CEP112: variants seen among roughly 807,000 people sequenced by gnomAD.
CEP112 encodes centrosomal protein 112, also known as centrosomal protein of 112 kDa.
In CEP112, 127 loss-of-function variants were observed where a neutral mutation model predicts 153.0. The observed-to-expected ratio is 0.83, with a 90% CI of 0.72 to 0.96. CEP112 has a LOEUF of 0.96. CEP112 is among the 40% of genes least tolerant of loss of function. The pLI, the probability that CEP112 is intolerant of heterozygous loss-of-function variation, is 0.00. For missense variants in CEP112, 1,089 were observed against 1,101.2 expected, an observed-to-expected ratio of 0.99 and a Z score of 0.16; for synonymous variants, 358 against 374.4, an observed-to-expected ratio of 0.96 and a Z score of 0.51.
At chr17:66,128,541 A>G (rs978780340) in intron 6 of CEP112, among the ~76,000 whole-genome samples, 1 of 152,146 alleles carries the variant, frequency 6.6e-6, no homozygotes, top group Admixed American at 6.5e-5. Flanking sequence ...CAACTGATAT[A>G]CTGCTGGTTG....
At chr17:65,851,708 G>A in intron 21 of CEP112, 96 bp downstream of exon 21, 1 of 853,832 alleles carries the variant, frequency 1.2e-6, no homozygotes, top group African/African-American at 1.7e-5. Flanking sequence ...GTAATGCCAT[G>A]TCTACTACCT....
chr17:65,792,309 CTT>C (rs1163147293), intron 21 of CEP112, among the ~76,000 whole-genome samples: 1 of 152,300 alleles, frequency 6.6e-6, no homozygotes, highest in Admixed American at 6.5e-5. Flanking sequence ...AATGGGGACT[CTT>C]TAGTATCAGT....
At chr17:65,743,846 C>A (rs1395856861) in intron 22 of CEP112, among the ~76,000 whole-genome samples, 1 of 151,784 alleles carries the variant, frequency 6.6e-6, no homozygotes, top group Non-Finnish European at 1.5e-5. Flanking sequence ...ACTGAGACCT[C>A]CACTTCCTGG....
At chr17:65,888,199 T>C (rs2059349181) in intron 20 of CEP112, among the ~76,000 whole-genome samples, 1 of 152,208 alleles carries the variant, frequency 6.6e-6, no homozygotes, top group South Asian at 2.1e-4. Context: ...ATATGGTACG[T>C]ACAATAGCTA....
Position 66,027,592 on chromosome 17 carries a change from C to T in CEP112, c.1597-32G>A, listed in dbSNP as rs2145692461. On this transcript the variant is annotated intron_variant, in intron 15 of 26. Transcript: ENST00000535342. ...ATGATAAATGTTTATATTTATTATA[C>T]TTTAAATTATACTAGAGTCAATAAA... 6 of 1,192,770 alleles carry T rather than the reference C, an allele frequency of 5.0e-6. No homozygotes were observed. The South Asian group carries it at 6.2e-5, about 12-fold the overall frequency. 73.9% of individuals were successfully genotyped at this position (1,192,770 alleles called of 1,614,324 possible).
At chr17:65,827,274 A>C (rs1333311894) in intron 21 of CEP112, among the ~76,000 whole-genome samples, 1 of 152,138 alleles carries the variant, frequency 6.6e-6, no homozygotes, top group Non-Finnish European at 1.5e-5. Flanking sequence ...CTTGTGAGTC[A>C]ATACTCCTTA....
intron 17 of CEP112, among the ~76,000 whole-genome samples, chr17:65,992,402 C>T (rs1317887690): frequency 6.6e-6 from 1 of 151,970 alleles, no homozygotes; most frequent in Non-Finnish European, 1.5e-5. Flanking sequence ...GCATATTAAG[C>T]AAGAAAAGAT....
At chr17:65,649,071 C>T (rs1403875566) in intron 24 of CEP112, among the ~76,000 whole-genome samples, 1 of 54,872 alleles carries the variant, frequency 1.8e-5, no homozygotes, top group African/African-American at 8.0e-5. Context: ...AACAAACAAA[C>T]AAACACACAC....
intron 17 of CEP112, among the ~76,000 whole-genome samples, chr17:65,989,276 A>C (rs1248338757): frequency 1.3e-5 from 2 of 151,534 alleles, no homozygotes; most frequent in Non-Finnish European, 2.9e-5. Flanking sequence ...AGAAAACACC[A>C]AACAGATTTG....
chr17:65,802,181 C>T (rs2055321568), intron 21 of CEP112, among the ~76,000 whole-genome samples: 1 of 152,126 alleles, frequency 6.6e-6, no homozygotes, highest in African/African-American at 2.4e-5. Context: ...TAAATGCCTG[C>T]AAACAATAAG....
intron 4 of CEP112, among the ~76,000 whole-genome samples, chr17:66,174,827 A>C (rs2072401764): frequency 6.6e-6 from 1 of 152,200 alleles, no homozygotes; most frequent in Non-Finnish European, 1.5e-5. Context: ...GTGTCATTTA[A>C]AGATGCTCAG....
intron 17 of CEP112, among the ~76,000 whole-genome samples, chr17:65,963,484 C>A (rs769994911): frequency 6.6e-6 from 1 of 152,036 alleles, no homozygotes; most frequent in Admixed American, 6.6e-5. Flanking sequence ...TATCATATAT[C>A]AAAATACCAA....
intron 8 of CEP112, among the ~76,000 whole-genome samples, chr17:66,095,004 T>C (rs2068282079): frequency 6.6e-6 from 1 of 152,074 alleles, no homozygotes; most frequent in African/African-American, 2.4e-5. Flanking sequence ...AGATCAGTAT[T>C]GGAGGGGATG....
chr17:65,654,842 T>G (rs2045975526), intron 24 of CEP112: 1 of 421,968 alleles, frequency 2.4e-6, no homozygotes, highest in African/African-American at 2.1e-5. Context: ...TGTTCATGAA[T>G]CAAAGACTTA....
At chr17:65,931,299 C>G (rs62063076) in intron 18 of CEP112, among the ~76,000 whole-genome samples, 72,837 of 152,058 alleles carry the variant, frequency 0.48, 18,442 homozygotes, top group East Asian at 0.89. Context: ...GTGAGGCTGA[C>G]ACATGCTCTT....
At chr17:65,927,733 TTG>T in intron 18 of CEP112, 44 bp from the exon 19 acceptor site, 1 of 1,232,484 alleles carries the variant, frequency 8.1e-7, no homozygotes, top group Non-Finnish European at 1.1e-6. Flanking sequence ...AAACAAACAA[TTG>T]TGTTCCATGT....
In CEP112 at chr17:65,870,275, T is replaced by C. The variant is rs9903078; in HGVS notation, c.2164-18241A>G. On this transcript the variant is annotated intron_variant, in intron 20 of 26. Coordinates refer to ENST00000535342, the MANE Select transcript of CEP112 (RefSeq NM_001199165.4). ...TCATAACTGATGTTGAAATTTCTAG[T>C]TTTATTTTAAAAGAACTAGCCACAT... 2.8e-3 allele frequency among the ~76,000 whole-genome samples: 430 copies of C among 152,216 alleles called. 1 individual carries two copies. The highest frequency in any genetic ancestry group is 9.9e-3 in the African/African-American group (413 of 41,570).
intron 8 of CEP112, among the ~76,000 whole-genome samples, chr17:66,071,282 CA>C (rs888649526): frequency 2.8e-4 from 41 of 148,630 alleles, no homozygotes; most frequent in African/African-American, 7.4e-4. Flanking sequence ...ATTTGCTATG[CA>C]AAAAAAAAAT....
intron 18 of CEP112, among the ~76,000 whole-genome samples, chr17:65,943,363 T>C (rs1366611102): frequency 6.6e-6 from 1 of 152,224 alleles, no homozygotes; most frequent in Non-Finnish European, 1.5e-5. Flanking sequence ...GAAATATTTC[T>C]AGACATTTAA....
Sources: gnomAD v4.1 joint callset for allele counts (sites outside exome capture counted in the v4.1 genomes callset) on GRCh38, gnomAD v4.1.1 for gene constraint, MANE v1.5 for transcripts, NCBI Gene and HGNC (gene_info 2026-07-23, HGNC 2026-07-21) for gene names.